The following CYB5R3 variants were observed in gnomAD, a reference collection of about 807,000 sequenced individuals.
The protein encoded by CYB5R3 is NADH-cytochrome b5 reductase 3.
A neutral mutation model predicts 36.5 loss-of-function variants in CYB5R3; 28 were observed. That is an observed-to-expected ratio of 0.77 (90% confidence interval 0.57 to 1.05). The LOEUF (loss-of-function observed/expected upper bound fraction) is 1.05, where lower values mean the gene tolerates loss of function less well. Among genes scored for constraint, CYB5R3 ranks in the 50% least tolerant of loss-of-function variants. CYB5R3 has a pLI of 0.00. For missense variants in CYB5R3, 474 were observed against 408.9 expected (o/e 1.16, Z -1.37); for synonymous variants, 181 against 159.8 (o/e 1.13, Z -1.00).
chr22:42,627,247 C>T (rs946078665), intron 7 of CYB5R3, 57 bp downstream of exon 7: 20 of 1,448,342 alleles, frequency 1.4e-5, no homozygotes, highest in Admixed American at 1.2e-4. Context: ...CCTGACCAGG[C>T]CCGAAGTCCC....
chr22:42,627,496 G>T, intron 6 of CYB5R3, 107 bp from the exon 7 acceptor site: 1 of 1,459,368 alleles, frequency 6.9e-7, no homozygotes, highest in Non-Finnish European at 9.6e-7. Context: ...CTGGGCCTGG[G>T]CCCCTGACCT....
At chr22:42,642,269 G>C (rs1055155489) in intron 1 of CYB5R3, among the ~76,000 whole-genome samples, 3 of 151,834 alleles carry the variant, frequency 2.0e-5, no homozygotes, top group Admixed American at 1.3e-4. Context: ...GTACCACCAG[G>C]CCTTGGTAAT....
chr22:42,631,464 C>G lies in CYB5R3; in HGVS notation c.154-14G>C, dbSNP rs1928616590. On this transcript the variant is annotated splice_polypyrimidine_tract_variant and intron_variant, in intron 2 of 8. Coordinates refer to ENST00000352397, the MANE Select transcript of CYB5R3 (RefSeq NM_000398.7). ...ATGGCTGATGATCTGGAGAGAGGCC[C>G]AAAGCTGCTGAACGGTCCCCAGGGC... The G allele has an allele frequency of 4.5e-6, 7 of 1,551,526 alleles. No individual in the cohort carries two copies. The highest frequency in any genetic ancestry group is 6.1e-6 in the Non-Finnish European group (7 of 1,146,914).
At chr22:42,637,530 G>T (rs182301823) in intron 1 of CYB5R3, among the ~76,000 whole-genome samples, 7 of 152,178 alleles carry the variant, frequency 4.6e-5, no homozygotes. Context: ...GTAAGGGGAA[G>T]CGAAGCACTG....
intron 8 of CYB5R3, among the ~76,000 whole-genome samples, chr22:42,622,482 G>T (rs1350503581): frequency 6.6e-6 from 1 of 152,170 alleles, no homozygotes; most frequent in African/African-American, 2.4e-5. Flanking sequence ...GGCTGACCCA[G>T]GACAGCAGGT....
At chr22:42,638,419 A>AAAT (rs200373318) in intron 1 of CYB5R3, among the ~76,000 whole-genome samples, 5 of 138,466 alleles carry the variant, frequency 3.6e-5, no homozygotes, top group Admixed American at 7.3e-5. Context: ...AAAAAAAAAA[A>AAAT]GTTAGCTGGT....
chr22:42,640,092 C>A (rs1196384253), intron 1 of CYB5R3: 8 of 1,613,778 alleles, frequency 5.0e-6, no homozygotes, highest in Non-Finnish European at 6.8e-6. Flanking sequence ...AGCTACCAGT[C>A]TGAGCACTAC....
At chr22:42,647,074 A>T in intron 1 of CYB5R3, 1 of 707,514 alleles carries the variant, frequency 1.4e-6, no homozygotes, top group Non-Finnish European at 1.7e-6. Flanking sequence ...CTTAGATAAG[A>T]CACCTAGAGC....
intron 1 of CYB5R3, chr22:42,639,828 G>T: frequency 9.6e-7 from 1 of 1,041,086 alleles, no homozygotes; most frequent in Non-Finnish European, 1.3e-6. Flanking sequence ...ACATGGGTTG[G>T]AACTGCTTGA....
At chr22:42,635,107 C>G (rs1928825673) in intron 2 of CYB5R3, among the ~76,000 whole-genome samples, 1 of 151,772 alleles carries the variant, frequency 6.6e-6, no homozygotes, top group African/African-American at 2.4e-5. Context: ...GCGGCTGGGA[C>G]TACAGGTGCC....
chr22:42,639,106 G>A (rs1303376178), intron 1 of CYB5R3: 10 of 417,490 alleles, frequency 2.4e-5, no homozygotes, highest in Non-Finnish European at 1.9e-5. Context: ...AAGGCAGGCA[G>A]ATTACTTGAG....
chr22:42,648,081 G>A (rs2146917123), intron 1 of CYB5R3, among the ~76,000 whole-genome samples: 1 of 152,334 alleles, frequency 6.6e-6, no homozygotes, highest in Admixed American at 6.5e-5. Flanking sequence ...TTGCATGGAG[G>A]TTGGGGTGAT....
chr22:42,645,520 G>A (rs1000506509), intron 1 of CYB5R3, among the ~76,000 whole-genome samples: 23 of 152,136 alleles, frequency 1.5e-4, no homozygotes, highest in African/African-American at 4.8e-4. Flanking sequence ...CGCAGCTCCC[G>A]TGGCTGAGCT....
At position 42,626,667 on chromosome 22, in the gene CYB5R3, A is replaced by G. The variant is rs543793296; in HGVS notation, c.633+637T>C. Among the ~76,000 whole-genome samples the G allele has an allele frequency of 2.0e-5, 3 of 152,280 alleles. No homozygotes were observed. In the South Asian group the frequency reaches 6.2e-4, roughly 32 times the overall value. On this transcript the variant is annotated intron_variant, in intron 7 of 8. Transcript: ENST00000352397. ...GTGGGGCAAGGACCCACATCCAAGG[A>G]CCTCAGGCAAGCATCTTCTCCCCCA...
chr22:42,631,345 G>A (rs753840631), intron 3 of CYB5R3, 33 bp downstream of exon 3: 1 of 1,542,448 alleles, frequency 6.5e-7, no homozygotes, highest in South Asian at 1.2e-5. Flanking sequence ...AGCCTGCCGG[G>A]CTCCGAATGG....
rs1927720450 is a variant in CYB5R3, at chr22:42,618,080, C to G, written c.*1693G>C. On this transcript the variant is annotated 3_prime_UTR_variant, in exon 9 of 9. Transcript: ENST00000352397. Reference sequence around the variant, plus strand: ...GATGGCATCCTCTGACTTTCCTGAGCCTCGAGGCTCATCTGACCCTGACAG... The same window carrying G: ...GATGGCATCCTCTGACTTTCCTGAGGCTCGAGGCTCATCTGACCCTGACAG... 6.6e-6 allele frequency: 1 copy of G among 152,290 alleles called. No individual in the cohort carries two copies. Among genetic ancestry groups the G allele is most frequent in the Admixed American group, 6.5e-5 (1 of 15,274 alleles). 9.4% of individuals were successfully genotyped at this position (152,290 alleles called of 1,614,324 possible). A position where few individuals can be genotyped will look rare whatever the true frequency, so the allele number is the denominator to read the frequency against.
In CYB5R3 at chr22:42,627,319, C is replaced by A. The variant is rs748177036; in HGVS notation, c.618G>T (p.Leu206=). 18 of 1,613,836 alleles carry A rather than the reference C, an allele frequency of 1.1e-5. No homozygotes were observed. The East Asian group carries it at 3.8e-4, about 34-fold the overall frequency. ...GCCCACTGACCTGGTTGGCAAAGAGCAGGTGGCACACAGTGTGGTCATCAG... is the reference window on the plus strand; with the variant it reads ...GCCCACTGACCTGGTTGGCAAAGAGAAGGTGGCACACAGTGTGGTCATCAG... ...KDPDDHTVCH[L]LFANQTEKDI... is the part of the protein sequence containing the mutation. The change falls in exon 7 of 9, where the codon CTG becomes CTT. Residue 206 remains leucine (L), a synonymous_variant. Coordinates refer to ENST00000352397, the MANE Select transcript of CYB5R3 (RefSeq NM_000398.7).
chr22:42,640,837 T>C (rs773309083), intron 1 of CYB5R3, among the ~76,000 whole-genome samples: 34 of 152,276 alleles, frequency 2.2e-4, no homozygotes, highest in Admixed American at 2.6e-4. Flanking sequence ...AAATATGTTT[T>C]CTCTTCCTTA....
At chr22:42,629,435 T>C (rs1928490030) in intron 4 of CYB5R3, among the ~76,000 whole-genome samples, 1 of 152,104 alleles carries the variant, frequency 6.6e-6, no homozygotes, top group Admixed American at 6.5e-5. Flanking sequence ...ACCCCACCCA[T>C]CCCTGGTGGC....
Sources: allele counts gnomAD v4.1 joint callset (sites outside exome capture counted in the v4.1 genomes callset), GRCh38; gene constraint gnomAD v4.1.1; transcripts MANE v1.5; gene names NCBI Gene and HGNC (gene_info 2026-07-23, HGNC 2026-07-21).